LRRTM4: variants seen among roughly 807,000 people sequenced by gnomAD.
LRRTM4 encodes the protein leucine rich repeat transmembrane neuronal 4.
In LRRTM4, 25 loss-of-function variants were observed where a neutral mutation model predicts 47.6. The ratio of observed to expected loss-of-function variants is 0.53; its 90% CI spans 0.38 to 0.73. LRRTM4 has a LOEUF of 0.73. Ranked by LOEUF, LRRTM4 falls within the 30% of genes least tolerant of loss-of-function variation. The probability of loss-of-function intolerance (pLI) is 0.00; values close to 1 mark genes in which losing one functional copy is unlikely to be tolerated. For missense variants in LRRTM4, 638 were observed against 713.4 expected, an observed-to-expected ratio of 0.89 and a Z score of 1.20; for synonymous variants, 311 against 269.5, an observed-to-expected ratio of 1.15 and a Z score of -1.51.
chr2:77,040,545 T>C (rs1678992333), intron 3 of LRRTM4, among the ~76,000 whole-genome samples: 1 of 151,446 alleles, frequency 6.6e-6, no homozygotes, highest in South Asian at 2.1e-4. Flanking sequence ...TAGTAAACAG[T>C]AGGCTTCTCA....
In LRRTM4 at chr2:76,817,827, A is replaced by G. The variant is rs1311082980; in HGVS notation, c.1552-68911T>C. ...GTTAACGAATCTGGGCTGCAGAGTA[A>G]TGTCTTCTTGCTTAAGATATGCCAT... is the stretch of plus-strand genomic sequence containing the variant. On this transcript the variant is annotated intron_variant, in intron 3 of 3. Coordinates refer to ENST00000409884, the MANE Select transcript of LRRTM4 (RefSeq NM_001134745.3). 4.6e-5 allele frequency among the ~76,000 whole-genome samples: 7 copies of G among 151,744 alleles called. No homozygotes were observed. In the South Asian group the frequency reaches 6.2e-4, roughly 13 times the overall value.
intron 3 of LRRTM4, among the ~76,000 whole-genome samples, chr2:76,841,867 A>G (rs908710404): frequency 6.6e-6 from 1 of 152,164 alleles, no homozygotes; most frequent in Non-Finnish European, 1.5e-5. Context: ...TTCACATATC[A>G]AATCTGAAAA....
chr2:77,327,871 G>T (rs1670834844), intron 3 of LRRTM4, among the ~76,000 whole-genome samples: 2 of 152,228 alleles, frequency 1.3e-5, no homozygotes, highest in Admixed American at 6.5e-5. Flanking sequence ...AAAGAGTAAA[G>T]AGAGGAACTG....
At chr2:77,287,277 G>A (rs1676691939) in intron 3 of LRRTM4, among the ~76,000 whole-genome samples, 1 of 152,000 alleles carries the variant, frequency 6.6e-6, no homozygotes, top group Admixed American at 6.6e-5. Context: ...TTAGAACTTA[G>A]AGAATGGAGC....
At chr2:77,517,670 TGAAA>T in intron 3 of LRRTM4, 2 of 951,504 alleles carry the variant, frequency 2.1e-6, no homozygotes, top group Non-Finnish European at 2.5e-6. Flanking sequence ...AAGGAAGGAG[TGAAA>T]GAAAGTAGGA....
chr2:77,410,270 AG>A (rs1674366497), intron 3 of LRRTM4, among the ~76,000 whole-genome samples: 1 of 152,122 alleles, frequency 6.6e-6, no homozygotes, highest in South Asian at 2.1e-4. Context: ...GTGTAACTAG[AG>A]TCTGATATTG....
Position 77,270,586 on chromosome 2 carries a change from G to C in LRRTM4, c.1551+247732C>G, listed in dbSNP as rs139842446. Among the ~76,000 whole-genome samples the C allele has an allele frequency of 3.7e-4, 56 of 152,236 alleles. 2 individuals carry two copies. In the East Asian group the frequency reaches 8.3e-3, roughly 23 times the overall value. ...TCAAAGGTCTTCTTTCGTAATCTCTGTTACTATTCTACTTCCTCATTCTTA... is the reference window on the plus strand; with the variant it reads ...TCAAAGGTCTTCTTTCGTAATCTCTCTTACTATTCTACTTCCTCATTCTTA... On this transcript the variant is annotated intron_variant, in intron 3 of 3. Transcript: ENST00000409884.
intron 3 of LRRTM4, among the ~76,000 whole-genome samples, chr2:76,902,897 C>G (rs954310179): frequency 7.2e-5 from 11 of 152,118 alleles, no homozygotes; most frequent in Admixed American, 3.3e-4. Flanking sequence ...CTTACCATTT[C>G]TTGGTGTGTT....
At chr2:77,052,197 C>G (rs1352894087) in intron 3 of LRRTM4, among the ~76,000 whole-genome samples, 1 of 92,242 alleles carries the variant, frequency 1.1e-5, no homozygotes, top group Non-Finnish European at 1.9e-5. Flanking sequence ...GCTCTTTGCT[C>G]TTGTTGCCCA....
At chr2:77,357,710 G>T (rs1384022056) in intron 3 of LRRTM4, among the ~76,000 whole-genome samples, 1 of 152,050 alleles carries the variant, frequency 6.6e-6, no homozygotes, top group Non-Finnish European at 1.5e-5. Flanking sequence ...AATGATGTAT[G>T]GCTTACTTTA....
At chr2:77,434,241 T>C (rs1349191759) in intron 3 of LRRTM4, among the ~76,000 whole-genome samples, 6 of 133,266 alleles carry the variant, frequency 4.5e-5, no homozygotes, top group Non-Finnish European at 8.5e-5. Flanking sequence ...AGATCCCAGA[T>C]TGGGAAAAAA....
chr2:77,144,965 C>G (rs536582068), intron 3 of LRRTM4, among the ~76,000 whole-genome samples: 1 of 152,148 alleles, frequency 6.6e-6, no homozygotes, highest in East Asian at 1.9e-4. Flanking sequence ...GATAAAAACA[C>G]AGTTGGAGAA....
chr2:76,789,459 C>A (rs1376140483), intron 3 of LRRTM4, among the ~76,000 whole-genome samples: 1 of 152,130 alleles, frequency 6.6e-6, no homozygotes, highest in Non-Finnish European at 1.5e-5. Flanking sequence ...TATGACAGGA[C>A]TTCTTTGGAG....
At chr2:77,011,130 T>A (rs957811001) in intron 3 of LRRTM4, among the ~76,000 whole-genome samples, 6 of 152,124 alleles carry the variant, frequency 3.9e-5, no homozygotes, top group Middle Eastern at 3.2e-3. Flanking sequence ...TAATTTAAAT[T>A]TTTTAGTAAT....
chr2:77,101,398 G>T (rs934629833), intron 3 of LRRTM4, among the ~76,000 whole-genome samples: 3 of 152,016 alleles, frequency 2.0e-5, no homozygotes, highest in African/African-American at 7.2e-5. Flanking sequence ...TACAAAATGA[G>T]GGGGGTGAAG....
intron 3 of LRRTM4, among the ~76,000 whole-genome samples, chr2:76,906,216 T>G (rs1235154326): frequency 6.6e-6 from 1 of 151,988 alleles, no homozygotes; most frequent in Non-Finnish European, 1.5e-5. Context: ...AAAAGAATTT[T>G]CAACCCAGAA....
rs56140303 is a variant in LRRTM4, at chr2:76,936,954, C to CAAAAAAAAAAAAAAAAAAAAAAAAA, written c.1552-188063_1552-188039dup. ...TGGGCGACAGAGCAAGACTCCATCTCAAAAAAAAAAAAAAAAAAAAAAAAA... is the reference window on the plus strand; with the variant it reads ...TGGGCGACAGAGCAAGACTCCATCTCAAAAAAAAAAAAAAAAAAAAAAAAAAAAAAAAAAAAAAAAAAAAAAAAAA... On this transcript the variant is annotated intron_variant, in intron 3 of 3. Coordinates refer to ENST00000409884, the MANE Select transcript of LRRTM4 (RefSeq NM_001134745.3). Among the ~76,000 whole-genome samples the CAAAAAAAAAAAAAAAAAAAAAAAAA allele has an allele frequency of 2.6e-4, 6 of 22,692 alleles. 1 individual carries two copies. The highest frequency in any genetic ancestry group is 3.6e-4 in the Non-Finnish European group (4 of 11,222). 14.9% of individuals were successfully genotyped at this position (22,692 alleles called of 152,430 possible). A position where few individuals can be genotyped will look rare whatever the true frequency, so the allele number is the denominator to read the frequency against.
At chr2:77,255,541 T>A (rs1292684892) in intron 3 of LRRTM4, among the ~76,000 whole-genome samples, 1 of 151,924 alleles carries the variant, frequency 6.6e-6, no homozygotes, top group Non-Finnish European at 1.5e-5. Context: ...CTTCAAAATA[T>A]TGAAACACAT....
intron 3 of LRRTM4, among the ~76,000 whole-genome samples, chr2:77,503,588 A>G (rs1310015834): frequency 6.6e-6 from 1 of 151,634 alleles, no homozygotes; most frequent in Non-Finnish European, 1.5e-5. Flanking sequence ...AATAAATGGT[A>G]GTGTATTCTG....
Sources: allele counts gnomAD v4.1 joint callset (sites outside exome capture counted in the v4.1 genomes callset), GRCh38; gene constraint gnomAD v4.1.1; transcripts MANE v1.5; gene names NCBI Gene and HGNC (gene_info 2026-07-23, HGNC 2026-07-21).